The following BPI variants were observed in gnomAD, a reference collection of about 807,000 sequenced individuals.
BPI encodes the protein bactericidal permeability-increasing protein.
Under a neutral mutation model 57.6 loss-of-function variants are expected in BPI, and 48 were observed. That is an observed-to-expected ratio of 0.83 (90% CI 0.66 to 1.06). The LOEUF is 1.06. Ranked by LOEUF, BPI falls within the 50% of genes least tolerant of loss-of-function variation. The pLI, the probability that BPI is intolerant of heterozygous loss-of-function variation, is 0.00. For missense variants in BPI, 651 were observed against 609.7 expected (o/e 1.07, Z -0.71); for synonymous variants, 237 against 238.2 (o/e 0.99, Z 0.05).
At chr20:38,316,922 G>T (rs552808203) in intron 5 of BPI, among the ~76,000 whole-genome samples, 4 of 152,318 alleles carry the variant, frequency 2.6e-5, no homozygotes, top group South Asian at 2.1e-4. Context: ...GAGCCAGGAA[G>T]AAAGCCCAGA....
chr20:38,318,546 T>G lies in BPI; in HGVS notation c.664+70T>G, dbSNP rs2076664738. ...GAGGGGGTGAGGACGTCAGGGTGGATGTGATGGGGCCGGCAAGTTTCCCAG... is the reference window on the plus strand; with the variant it reads ...GAGGGGGTGAGGACGTCAGGGTGGAGGTGATGGGGCCGGCAAGTTTCCCAG... On this transcript the variant is annotated intron_variant, in intron 6 of 14. Coordinates refer to ENST00000642449, the MANE Select transcript of BPI (RefSeq NM_001725.3). 5 of 1,546,352 alleles carry G rather than the reference T, an allele frequency of 3.2e-6. No homozygotes were observed. The East Asian group carries it at 1.1e-4, about 35-fold the overall frequency.
At chr20:38,336,397 A>G (rs2076767746) in intron 14 of BPI, among the ~76,000 whole-genome samples, 1 of 151,870 alleles carries the variant, frequency 6.6e-6, no homozygotes, top group South Asian at 2.1e-4. Context: ...TATTTTTTCC[A>G]AACTCTCAGC....
chr20:38,312,391 G>A (rs2076626128), intron 5 of BPI, among the ~76,000 whole-genome samples: 1 of 152,208 alleles, frequency 6.6e-6, no homozygotes. Context: ...CCTGAGGCTG[G>A]AACTAGTACA....
Position 38,334,448 on chromosome 20 carries a change from A to G in BPI, c.1291A>G (p.Ile431Val). The G allele has an allele frequency of 1.2e-6, 2 of 1,614,024 alleles. No individual in the cohort carries two copies. Among genetic ancestry groups the G allele is most frequent in the Non-Finnish European group, 8.5e-7 (1 of 1,179,864 alleles). ...TTTCCAGGTTGAATTGCTGCAGGAT[A>G]TCATGAACTACATTGTACCCATTCT... ...GPFPVELLQDIMNYIVPILVL... is the reference protein window; with the variant it reads ...GPFPVELLQDVMNYIVPILVL... The change falls in exon 13 of 15, where the codon ATC becomes GTC. Residue 431 changes from isoleucine (I) to valine (V), a missense_variant. Physicochemically the swap from Ile to Val is conservative, Grantham distance 29 (BLOSUM62 3). Transcript: ENST00000642449.
At chr20:38,334,123 C>A (rs1171310926) in intron 12 of BPI, among the ~76,000 whole-genome samples, 2 of 152,158 alleles carry the variant, frequency 1.3e-5, no homozygotes, top group Non-Finnish European at 2.9e-5. Flanking sequence ...TAAGCTTTTC[C>A]CATTTAAATA....
At chr20:38,335,783 C>T in intron 14 of BPI, 109 bp downstream of exon 14, 1 of 1,070,158 alleles carries the variant, frequency 9.3e-7, no homozygotes, top group Non-Finnish European at 1.4e-6. Flanking sequence ...CGCCTTCTAC[C>T]CTTACAACAA....
chr20:38,318,507 A>G (rs745558223), intron 6 of BPI, 31 bp downstream of exon 6: 1 of 1,603,332 alleles, frequency 6.2e-7, no homozygotes, highest in South Asian at 1.1e-5. Flanking sequence ...AAGGATAGAA[A>G]GGAACAGAAA....
chr20:38,328,950 G>A (rs1415949499), intron 11 of BPI, among the ~76,000 whole-genome samples: 1 of 152,070 alleles, frequency 6.6e-6, no homozygotes, highest in Admixed American at 6.6e-5. Context: ...AGGCTGCAGT[G>A]AGCCATGTTC....
rs139315638 is a variant in BPI at position 38,307,044 on chromosome 20, A to T, written c.131-523A>T. Among the ~76,000 whole-genome samples the T allele has an allele frequency of 2.3e-3, 349 of 152,222 alleles. 1 individual carries two copies. Among genetic ancestry groups the T allele is most frequent in the African/African-American group, 7.5e-3 (311 of 41,554 alleles). On this transcript the variant is annotated intron_variant, in intron 1 of 14. Transcript: ENST00000642449. ...GCAAAAATGTTAAAAAAAAATTTTT[A>T]AAAAGTTAGCCTGGTGTGGTGGCGA...
At position 38,323,995 on chromosome 20, in the gene BPI, G is replaced by A; in HGVS notation, c.882G>A (p.Gly294=). 2 of 1,614,130 alleles carry A rather than the reference G, an allele frequency of 1.2e-6. No homozygotes were observed. Among genetic ancestry groups the A allele is most frequent in the Non-Finnish European group, 1.7e-6 (2 of 1,180,030 alleles). The part of the protein sequence containing the change: ...GLSDYFFNTA[G]LVYQEAGVLK... ...CAGACTACTTCTTCAACACAGCCGG[G>A]CTTGTATACCAAGAGGCTGGGGTCT... The change falls in exon 8 of 15, where the codon GGG becomes GGA. Residue 294 remains glycine, a synonymous_variant. Coordinates refer to ENST00000642449, the MANE Select transcript of BPI (RefSeq NM_001725.3).
chr20:38,313,420 G>T (rs901237336), intron 5 of BPI, among the ~76,000 whole-genome samples: 1 of 146,532 alleles, frequency 6.8e-6, no homozygotes, highest in South Asian at 2.2e-4. Context: ...AAAAGGGTAG[G>T]GGGGACATTA....
Position 38,335,628 on chromosome 20 carries a change from C to A in BPI, c.1367C>A (p.Thr456Lys), listed in dbSNP as rs148829027. 6 of 1,614,216 alleles carry A rather than the reference C, an allele frequency of 3.7e-6. No individual in the cohort carries two copies. Among genetic ancestry groups the A allele is most frequent in the South Asian group, 1.1e-5 (1 of 91,078 alleles). ...EKLQKGFPLPTPARVQLYNVV... is the reference protein window; with the variant it reads ...EKLQKGFPLPKPARVQLYNVV... ...CTACAGAAAGGCTTCCCTCTCCCGA[C>A]GCCGGCCAGAGTCCAGCTCTACAAC... Residue 456 changes from threonine to lysine, a missense_variant, in exon 14 of 15, where the codon ACG becomes AAG. Thr to Lys is a moderately conservative substitution (Grantham distance 78). Coordinates refer to ENST00000642449, the MANE Select transcript of BPI (RefSeq NM_001725.3).
intron 7 of BPI, among the ~76,000 whole-genome samples, chr20:38,322,200 A>G (rs931892644): frequency 1.3e-5 from 2 of 152,122 alleles, no homozygotes; most frequent in Admixed American, 1.3e-4. Context: ...TTTTTCCACA[A>G]ACGTAACCAA....
intron 11 of BPI, 28 bp downstream of exon 11, chr20:38,327,683 G>T (rs1200636923): frequency 1.2e-6 from 2 of 1,610,420 alleles, no homozygotes; most frequent in Admixed American, 3.3e-5. Context: ...AGGAGGAGGG[G>T]GCTGCCCCTC....
At chr20:38,331,877 T>G (rs1288744229) in intron 12 of BPI, among the ~76,000 whole-genome samples, 1 of 150,714 alleles carries the variant, frequency 6.6e-6, no homozygotes, top group East Asian at 1.9e-4. Context: ...GAAGATCGTT[T>G]CAGTCACAAT....
At chr20:38,331,961 G>A (rs369772333) in intron 12 of BPI, among the ~76,000 whole-genome samples, 1 of 152,202 alleles carries the variant, frequency 6.6e-6, no homozygotes, top group Non-Finnish European at 1.5e-5. Context: ...GATGTGATCA[G>A]GGAGGGCCTC....
rs1374906940 is a variant in BPI at position 38,321,025 on chromosome 20, G to A, written c.756+751G>A. ...GGGTAAGTAGATGGGAGGTGGGTGT[G>A]TTGGTGGGTGGGTGTATTGGCGGAT... On this transcript the variant is annotated intron_variant, in intron 7 of 14. Coordinates refer to ENST00000642449, the MANE Select transcript of BPI (RefSeq NM_001725.3). 1.4e-3 allele frequency among the ~76,000 whole-genome samples: 128 copies of A among 92,704 alleles called. 2 individuals carry two copies. Among genetic ancestry groups the A allele is most frequent in the African/African-American group, 5.2e-3 (115 of 21,908 alleles). 60.8% of individuals were successfully genotyped at this position (92,704 alleles called of 152,430 possible). A position where few individuals can be genotyped will look rare whatever the true frequency, so the allele number is the denominator to read the frequency against.
chr20:38,312,428 C>T (rs573642985), intron 5 of BPI, among the ~76,000 whole-genome samples: 51 of 152,366 alleles, frequency 3.3e-4, no homozygotes, highest in African/African-American at 1.2e-3. Flanking sequence ...CAGCACTTCC[C>T]GAACCATGCC....
intron 5 of BPI, chr20:38,318,139 T>A: frequency 6.3e-6 from 5 of 787,958 alleles, no homozygotes; most frequent in Non-Finnish European, 7.7e-6. Flanking sequence ...AAAAACCTTA[T>A]AAAATAGAAA....
Sources: gnomAD v4.1 joint callset for allele counts (sites outside exome capture counted in the v4.1 genomes callset) on GRCh38, gnomAD v4.1.1 for gene constraint, MANE v1.5 for transcripts, NCBI Gene and HGNC (gene_info 2026-07-23, HGNC 2026-07-21) for gene names.